DPP10: variants seen among roughly 807,000 people sequenced by gnomAD.
DPP10 encodes inactive dipeptidyl peptidase 10.
DPP10 carries 33 observed loss-of-function variants against 120.9 expected under a neutral mutation model. The ratio of observed to expected loss-of-function variants is 0.27; its 90% CI spans 0.21 to 0.37. The LOEUF (loss-of-function observed/expected upper bound fraction) is 0.37. DPP10 is among the 10% of genes least tolerant of loss of function. The pLI, the probability that DPP10 is intolerant of heterozygous loss-of-function variation, is 1.00. For missense variants in DPP10, 816 were observed against 942.8 expected (o/e 0.87, Z 1.76); for synonymous variants, 337 against 326.1 (o/e 1.03, Z -0.36).
intron 5 of DPP10, among the ~76,000 whole-genome samples, chr2:115,677,934 A>G (rs1220015225): frequency 6.6e-6 from 1 of 152,250 alleles, no homozygotes; most frequent in African/African-American, 2.4e-5. Flanking sequence ...GGCATTTATA[A>G]GTCATTTTAT....
intron 2 of DPP10, among the ~76,000 whole-genome samples, chr2:115,328,271 T>C (rs2062483690): frequency 6.6e-6 from 1 of 152,086 alleles, no homozygotes; most frequent in Admixed American, 6.6e-5. Context: ...GTGGAAAGCT[T>C]ACATACATTT....
chr2:115,078,846 A>G (rs932949464), intron 1 of DPP10, among the ~76,000 whole-genome samples: 36 of 152,294 alleles, frequency 2.4e-4, no homozygotes, highest in Non-Finnish European at 4.3e-4. Context: ...TAAATTGCTC[A>G]AAGAGTAACA....
rs574152932 is a variant in DPP10 at position 114,976,278 on chromosome 2, T to A, written c.61-332961T>A. On this transcript the variant is annotated intron_variant, in intron 1 of 25. Coordinates refer to ENST00000410059, the MANE Select transcript of DPP10 (RefSeq NM_020868.6). Reference sequence around the variant, plus strand: ...CCTTCCCTCTGATTTTGTTGCTTTATTCAGCATTTATATACCATTCTATAG... The same window carrying A: ...CCTTCCCTCTGATTTTGTTGCTTTAATCAGCATTTATATACCATTCTATAG... Among the ~76,000 whole-genome samples the A allele has an allele frequency of 1.9e-3, 291 of 152,338 alleles. 4 individuals are homozygous for A. The highest frequency in any genetic ancestry group is 6.7e-3 in the African/African-American group (279 of 41,584).
chr2:114,905,513 G>A (rs1382778040), intron 1 of DPP10, among the ~76,000 whole-genome samples: 1 of 151,982 alleles, frequency 6.6e-6, no homozygotes, highest in African/African-American at 2.4e-5. Flanking sequence ...GATTACAGAT[G>A]CAGGTTTGTT....
chr2:114,687,642 T>C (rs959659783), intron 1 of DPP10, among the ~76,000 whole-genome samples: 4 of 152,012 alleles, frequency 2.6e-5, no homozygotes, highest in Non-Finnish European at 5.9e-5. Flanking sequence ...GATGAACAGC[T>C]GTTCTGAAGC....
chr2:115,669,724 A>G (rs1323365252), intron 5 of DPP10, among the ~76,000 whole-genome samples: 1 of 152,142 alleles, frequency 6.6e-6, no homozygotes, highest in East Asian at 1.9e-4. Flanking sequence ...CAAACATTGC[A>G]TGATGCTTAT....
At chr2:114,556,808 T>G (rs1688351677) in intron 1 of DPP10, among the ~76,000 whole-genome samples, 1 of 152,084 alleles carries the variant, frequency 6.6e-6, no homozygotes, top group South Asian at 2.1e-4. Context: ...AAACTGAGTG[T>G]AGCATAGTAA....
intron 1 of DPP10, among the ~76,000 whole-genome samples, chr2:114,483,177 A>T (rs1169750197): frequency 6.6e-6 from 1 of 152,100 alleles, no homozygotes; most frequent in African/African-American, 2.4e-5. Flanking sequence ...AAAATAATTA[A>T]CTGGAAATTA....
At chr2:114,567,640 A>G (rs973755152) in intron 1 of DPP10, among the ~76,000 whole-genome samples, 7 of 152,204 alleles carry the variant, frequency 4.6e-5, no homozygotes, top group East Asian at 1.9e-4. Context: ...GCATATTGGC[A>G]TATTGGTTTC....
At chr2:115,257,704 A>G (rs1414353468) in intron 1 of DPP10, among the ~76,000 whole-genome samples, 2 of 152,196 alleles carry the variant, frequency 1.3e-5, no homozygotes, top group Non-Finnish European at 2.9e-5. Context: ...ACAACTAAGT[A>G]GAAGCCCCCT....
chr2:115,405,160 A>G (rs1018075465), intron 3 of DPP10, among the ~76,000 whole-genome samples: 2 of 152,210 alleles, frequency 1.3e-5, no homozygotes, highest in African/African-American at 4.8e-5. Context: ...CCTGTAAAAT[A>G]AAAAATAAAT....
intron 1 of DPP10, among the ~76,000 whole-genome samples, chr2:114,640,187 G>A (rs1157764011): frequency 6.6e-6 from 1 of 151,880 alleles, no homozygotes; most frequent in Non-Finnish European, 1.5e-5. Context: ...GACAGCTGAA[G>A]GCCTGGAGAC....
intron 1 of DPP10, among the ~76,000 whole-genome samples, chr2:115,248,079 T>C (rs575722356): frequency 6.6e-6 from 1 of 152,294 alleles, no homozygotes; most frequent in South Asian, 2.1e-4. Context: ...GAAATATGCC[T>C]CCCTCAAAGG....
At chr2:114,494,458 G>A (rs1384809746) in intron 1 of DPP10, among the ~76,000 whole-genome samples, 6 of 152,160 alleles carry the variant, frequency 3.9e-5, no homozygotes, top group African/African-American at 1.4e-4. Flanking sequence ...GGCCAGGGAA[G>A]CAGCATGTGA....
At chr2:115,541,199 T>A (rs530874685) in intron 5 of DPP10, among the ~76,000 whole-genome samples, 2 of 152,034 alleles carry the variant, frequency 1.3e-5, no homozygotes, top group South Asian at 4.1e-4. Context: ...TGGTATTTGT[T>A]TTCAGAAAAA....
At position 114,502,578 on chromosome 2, in the gene DPP10, G is replaced by GT. The variant is rs1174060726; in HGVS notation, c.60+59742dup. ...TGTTCTATACAAAATTAATGAATGA[G>GT]TTAAGTAACCTATGTTTTGAGCTGT... On this transcript the variant is annotated intron_variant, in intron 1 of 25. Coordinates refer to ENST00000410059, the MANE Select transcript of DPP10 (RefSeq NM_020868.6). Among the ~76,000 whole-genome samples the GT allele has an allele frequency of 3.9e-5, 6 of 152,332 alleles. No individual in the cohort carries two copies. The South Asian group carries it at 1.2e-3, about 32-fold the overall frequency.
intron 1 of DPP10, among the ~76,000 whole-genome samples, chr2:114,729,475 C>A (rs1050142630): frequency 1.7e-4 from 26 of 152,158 alleles, no homozygotes; most frequent in Non-Finnish European, 7.4e-5. Flanking sequence ...CAGAAACATG[C>A]CAAAATGAAG....
chr2:115,647,874 A>C (rs1204475955), intron 5 of DPP10, among the ~76,000 whole-genome samples: 1 of 152,168 alleles, frequency 6.6e-6, no homozygotes, highest in Non-Finnish European at 1.5e-5. Flanking sequence ...TTCCCTTCTT[A>C]ATGCTACCGC....
At chr2:115,762,193 G>A (rs1575706663) in intron 11 of DPP10, among the ~76,000 whole-genome samples, 1 of 152,106 alleles carries the variant, frequency 6.6e-6, no homozygotes, top group African/African-American at 2.4e-5. Context: ...CTGGCTGTTT[G>A]CCCAGTTGCT....
Sources: allele counts gnomAD v4.1 joint callset (sites outside exome capture counted in the v4.1 genomes callset), GRCh38; gene constraint gnomAD v4.1.1; transcripts MANE v1.5; gene names NCBI Gene and HGNC (gene_info 2026-07-23, HGNC 2026-07-21).